The following RNF135 variants were observed in gnomAD, a reference collection of about 807,000 sequenced individuals.
The protein encoded by RNF135 is E3 ubiquitin-protein ligase RNF135.
In RNF135, 46 loss-of-function variants were observed where a neutral mutation model predicts 41.9. The ratio of observed to expected loss-of-function variants is 1.10; its 90% confidence interval spans 0.87 to 1.40. The LOEUF (loss-of-function observed/expected upper bound fraction) is 1.40, where lower values mean the gene tolerates loss of function less well. RNF135 is among the 40% of genes most tolerant of loss of function. The pLI is 0.00. For missense variants in RNF135, 539 were observed against 549.8 expected (o/e 0.98, Z 0.20); for synonymous variants, 238 against 223.8 (o/e 1.06, Z -0.57).
the RNF135 span, among the ~76,000 whole-genome samples, chr17:30,960,443 C>T: frequency 6.6e-6 from 1 of 151,206 alleles, no homozygotes; most frequent in Non-Finnish European, 1.5e-5. Flanking sequence ...GTGGCATGTG[C>T]CTGTAGTCCC....
At chr17:30,982,932 C>G (rs1343301416) in intron 1 of RNF135, among the ~76,000 whole-genome samples, 1 of 152,104 alleles carries the variant, frequency 6.6e-6, no homozygotes. Context: ...TCCTCTTCCC[C>G]CAGCCTCTGG....
rs146939946 is a variant in RNF135, at chr17:30,987,946, T to C, written c.519T>C (p.Ala173=). The C allele has an allele frequency of 6.2e-7, 1 of 1,614,014 alleles. No individual in the cohort carries two copies. Among genetic ancestry groups the C allele is most frequent in the Non-Finnish European group, 8.5e-7 (1 of 1,179,862 alleles). Residue 173 remains alanine, a splice_region_variant and synonymous_variant, in exon 3 of 5, where the codon GCT becomes GCC. Transcript: ENST00000328381. ...AGTTTTAAATGGTTTATCAATAGGC[T>C]TTTTCTTCTGGGGTGGATCTTTCCA... is the stretch of plus-strand genomic sequence containing the variant. ...PDNELSILGK[A]FSSGVDLSMA...
chr17:30,975,470 G>T, intron 1 of RNF135: 2 of 776,918 alleles, frequency 2.6e-6, no homozygotes, highest in Admixed American at 1.7e-5. Flanking sequence ...GAAGCAACTG[G>T]AAGATCTGAA....
At chr17:30,983,310 CAT>C (rs1212564007) in intron 1 of RNF135, among the ~76,000 whole-genome samples, 1 of 46,216 alleles carries the variant, frequency 2.2e-5, no homozygotes, top group East Asian at 6.2e-4. Flanking sequence ...ATTCTAATTA[CAT>C]ATATGTACAT....
intron 1 of RNF135, among the ~76,000 whole-genome samples, chr17:30,979,755 AG>A (rs1307294106): frequency 1.3e-5 from 1 of 79,416 alleles, no homozygotes; most frequent in African/African-American, 4.9e-5. Context: ...CTGGCCGGGC[AG>A]GGGGCTGACC....
chr17:30,996,894 C>A lies in RNF135; in HGVS notation c.680-348C>A, dbSNP rs188374158. 2.0e-5 allele frequency among the ~76,000 whole-genome samples: 3 copies of A among 152,300 alleles called. No homozygotes were observed. In the East Asian group the frequency reaches 5.8e-4, roughly 29 times the overall value. The stretch of plus-strand genomic sequence containing the variant: ...ATTCTAGGTGTTAGGGTGCTGCAAT[C>A]CCCTGGAACTGTATTAGTTGATTTT... On this transcript the variant is annotated intron_variant, in intron 3 of 4. Transcript: ENST00000328381.
intron 3 of RNF135, among the ~76,000 whole-genome samples, chr17:30,993,664 C>T (rs1908140628): frequency 6.6e-6 from 1 of 151,034 alleles, no homozygotes; most frequent in Admixed American, 6.6e-5. Flanking sequence ...GATTATTTCT[C>T]TCATCAATAG....
At position 30,997,288 on chromosome 17, in the gene RNF135, C is replaced by T. The variant is rs201340195; in HGVS notation, c.726C>T (p.Asp242=). 39 of 1,614,068 alleles carry T rather than the reference C, an allele frequency of 2.4e-5. No homozygotes were observed. Among genetic ancestry groups the T allele is most frequent in the Non-Finnish European group, 3.3e-5 (39 of 1,179,978 alleles). Reference sequence around the variant, plus strand: ...CTTCCTCCTCATGCCCATTGCCTGACCAGAGCCACCCTGCACTCAGGAGAG... The same window carrying T: ...CTTCCTCCTCATGCCCATTGCCTGATCAGAGCCACCCTGCACTCAGGAGAG... ...APSSSSCPLP[D]QSHPALRRAS... The change falls in exon 4 of 5, where the codon GAC becomes GAT. Residue 242 remains aspartate, a synonymous_variant. Coordinates refer to ENST00000328381, the MANE Select transcript of RNF135 (RefSeq NM_032322.4).
chr17:30,992,557 C>T (rs1908057762), intron 3 of RNF135, among the ~76,000 whole-genome samples: 1 of 151,988 alleles, frequency 6.6e-6, no homozygotes, highest in Non-Finnish European at 1.5e-5. Flanking sequence ...CCTTGACCTC[C>T]CAGGCTCAAG....
chr17:30,978,640 G>A (rs953670219), intron 1 of RNF135: 2 of 139,404 alleles, frequency 1.4e-5, no homozygotes, highest in African/African-American at 5.6e-5. Flanking sequence ...GATCATTCTT[G>A]GGTGTTTCTC....
At chr17:30,981,244 C>G (rs1481256699) in intron 1 of RNF135, among the ~76,000 whole-genome samples, 2 of 147,704 alleles carry the variant, frequency 1.4e-5, no homozygotes, top group Non-Finnish European at 2.9e-5. Flanking sequence ...CCTGCAATCG[C>G]AGGCACTCGA....
At chr17:30,968,425 G>T (rs1252032304), upstream of RNF135, among the ~76,000 whole-genome samples, 1 of 139,054 alleles carries the variant, frequency 7.2e-6, no homozygotes, top group Non-Finnish European at 1.5e-5. Flanking sequence ...TTGCTCTGTC[G>T]CCCAGGCTGG....
chr17:30,997,737 C>T (rs1416122675), intron 4 of RNF135, among the ~76,000 whole-genome samples: 2 of 152,146 alleles, frequency 1.3e-5, no homozygotes, highest in African/African-American at 4.8e-5. Flanking sequence ...GGTTTGACTC[C>T]CAGCAGCTCC....
the RNF135 span, among the ~76,000 whole-genome samples, chr17:30,963,587 T>A: frequency 1.4e-5 from 2 of 146,060 alleles, no homozygotes; most frequent in East Asian, 1.9e-4. Flanking sequence ...AAAAAAAAAA[T>A]TGGGTGGTTT....
At chr17:30,994,393 AAC>A (rs1469304461) in intron 3 of RNF135, among the ~76,000 whole-genome samples, 3 of 151,574 alleles carry the variant, frequency 2.0e-5, no homozygotes, top group Non-Finnish European at 4.4e-5. Flanking sequence ...AAAATACAAA[AAC>A]TAGCCTGCTA....
intron 3 of RNF135, among the ~76,000 whole-genome samples, chr17:30,996,665 T>C (rs1908369523): frequency 6.6e-6 from 1 of 152,214 alleles, no homozygotes. Context: ...CTTCAAAGTC[T>C]GCACTCTAGG....
chr17:30,997,997 A>G (rs1908480812), intron 4 of RNF135, among the ~76,000 whole-genome samples: 1 of 152,254 alleles, frequency 6.6e-6, no homozygotes, highest in African/African-American at 2.4e-5. Flanking sequence ...TTTCAGTTTA[A>G]CTGGGAAGGT....
chr17:30,979,952 A>C (rs1179847613), intron 1 of RNF135, among the ~76,000 whole-genome samples: 36 of 51,728 alleles, frequency 7.0e-4, no homozygotes, highest in African/African-American at 9.4e-4. Flanking sequence ...GGCGCCCCTC[A>C]CCTCCCGGAC....
In RNF135 at chr17:30,999,067, T is replaced by C. The variant is rs1184473624; in HGVS notation, c.1175T>C (p.Val392Ala). The change falls in exon 5 of 5, where the codon GTG becomes GCG. Residue 392 changes from valine (V) to alanine (A), a missense_variant. By Grantham distance (64) the Val-to-Ala change is moderately conservative (BLOSUM62 0). This residue lies in a region of RNF135 where 262 missense variants were observed against 336.9 expected (regional missense o/e 0.78). Transcript: ENST00000328381. ...GAGGGAAAGCTTGCCTTCTATTCAG[T>C]GGACAATCAGGAGAAGCTTCTGTAT... ...LEEGKLAFYS[V>A]DNQEKLLYEC... The C allele has an allele frequency of 6.2e-7, 1 of 1,614,154 alleles. No homozygotes were observed. The highest frequency in any genetic ancestry group is 1.7e-5 in the Admixed American group (1 of 60,008).
Sources: allele counts gnomAD v4.1 joint callset (sites outside exome capture counted in the v4.1 genomes callset), GRCh38; gene constraint gnomAD v4.1.1; regional missense constraint gnomAD v4.1.1; transcripts MANE v1.5; gene names NCBI Gene and HGNC (gene_info 2026-07-23, HGNC 2026-07-21).